Variants in APP observed in about 807,000 individuals in gnomAD.
APP encodes the protein amyloid beta precursor protein, also known as amyloid-beta precursor protein.
APP carries 31 observed loss-of-function variants against 101.4 expected under a neutral mutation model. The ratio of observed to expected loss-of-function variants is 0.31; its 90% CI spans 0.23 to 0.41. The LOEUF (loss-of-function observed/expected upper bound fraction) is 0.41, where lower values mean the gene tolerates loss of function less well. APP is among the 10% of genes least tolerant of loss of function. The pLI is 1.00. For missense variants in APP, 839 were observed against 1,003.7 expected (o/e 0.84, Z 2.22); for synonymous variants, 366 against 364.4 (o/e 1.00, Z -0.05).
At chr21:25,895,124 A>T (rs1033927269) in intron 16 of APP, among the ~76,000 whole-genome samples, 9 of 149,268 alleles carry the variant, frequency 6.0e-5, no homozygotes, top group Admixed American at 2.7e-4. Flanking sequence ...TTTTTTTTTT[A>T]GACATAATGC....
intron 3 of APP, among the ~76,000 whole-genome samples, chr21:26,077,170 T>C (rs1052600625): frequency 6.6e-6 from 1 of 152,172 alleles, no homozygotes; most frequent in African/African-American, 2.4e-5. Flanking sequence ...TAGGCCTCCT[T>C]GATCGATTTC....
At chr21:25,928,371 A>AAAC (rs978107528) in intron 13 of APP, among the ~76,000 whole-genome samples, 34 of 151,726 alleles carry the variant, frequency 2.2e-4, no homozygotes, top group African/African-American at 6.1e-4. Flanking sequence ...ACAAACAAAC[A>AAAC]AAAAAACCAA....
chr21:25,998,703 AGTTATT>A (rs1243420437), intron 7 of APP, among the ~76,000 whole-genome samples: 24 of 152,190 alleles, frequency 1.6e-4, no homozygotes, highest in African/African-American at 5.8e-4. Context: ...AGTAATACAC[AGTTATT>A]GAGTTTCATT....
intron 13 of APP, among the ~76,000 whole-genome samples, chr21:25,938,546 A>C (rs2055746677): frequency 6.6e-6 from 1 of 152,158 alleles, no homozygotes; most frequent in Admixed American, 6.5e-5. Flanking sequence ...AAACCTCTGA[A>C]TGTTTAAAGG....
At chr21:25,996,757 G>A (rs1011997831) in intron 8 of APP, among the ~76,000 whole-genome samples, 3 of 152,344 alleles carry the variant, frequency 2.0e-5, no homozygotes, top group Middle Eastern at 3.4e-3. Flanking sequence ...TGCGGGATGC[G>A]CCAGCCCACT....
intron 6 of APP, among the ~76,000 whole-genome samples, chr21:26,019,686 AT>A (rs11295672): frequency 1 from 152,332 of 152,334 alleles, 76,165 homozygotes; most frequent in Middle Eastern, 1. Flanking sequence ...AACTGGTTCT[AT>A]TAAACAGCCC....
At chr21:26,140,251 A>C in intron 1 of APP, 2 of 1,536,032 alleles carry the variant, frequency 1.3e-6, no homozygotes, top group Non-Finnish European at 1.7e-6. Context: ...CAACTGTGGA[A>C]TACTCCCTGA....
intron 13 of APP, among the ~76,000 whole-genome samples, chr21:25,940,692 A>C (rs942143196): frequency 1.3e-5 from 2 of 152,178 alleles, no homozygotes; most frequent in African/African-American, 2.4e-5. Flanking sequence ...CAATTTGTAT[A>C]ATGTGAATTT....
chr21:26,100,244 CA>C (rs1397167606), intron 2 of APP, among the ~76,000 whole-genome samples: 6 of 152,018 alleles, frequency 3.9e-5, no homozygotes, highest in South Asian at 2.1e-4. Flanking sequence ...AATCTACGGT[CA>C]GTAAAGCAAT....
chr21:25,888,772 T>TA (rs11374741), intron 17 of APP, among the ~76,000 whole-genome samples: 64,879 of 151,910 alleles, frequency 0.43, 13,869 homozygotes, highest in Middle Eastern at 0.51. Flanking sequence ...GTAAACTGAC[T>TA]AAAAAAAGAG....
intron 13 of APP, among the ~76,000 whole-genome samples, chr21:25,930,342 G>A (rs968271983): frequency 2.0e-5 from 3 of 152,222 alleles, no homozygotes; most frequent in South Asian, 2.1e-4. Flanking sequence ...TGCCCCTCCC[G>A]GCAGCCAGCA....
intron 13 of APP, among the ~76,000 whole-genome samples, chr21:25,927,002 CAAAAAAAAAAAAAAA>C (rs36048306): frequency 7.4e-5 from 5 of 67,268 alleles, no homozygotes; most frequent in African/African-American, 1.9e-4. Context: ...GACTCCGTCT[CAAAAAAAAAAAAAAA>C]AAAAAAAAAA....
chr21:26,162,728 T>C (rs1338302811), intron 1 of APP, among the ~76,000 whole-genome samples: 2 of 150,370 alleles, frequency 1.3e-5, no homozygotes, highest in East Asian at 1.9e-4. Context: ...CTTTTCTTTA[T>C]GCAACAGATC....
Position 26,021,990 on chromosome 21 carries a change from C to T in APP, c.715G>A (p.Glu239Lys). 6.2e-7 allele frequency: 1 copy of T among 1,614,096 alleles called. No individual in the cohort carries two copies. The highest frequency in any genetic ancestry group is 8.5e-7 in the Non-Finnish European group (1 of 1,179,994). ...AEEEEVAEVE[E>K]EEADDDEDDE... The stretch of plus-strand genomic sequence containing the variant: ...TCCTCGTCATCATCGGCTTCTTCTT[C>T]TTCCACCTCAGCCACTTCTTCCTCC... Residue 239 changes from glutamate to lysine, a missense_variant, in exon 6 of 18, where the codon GAA becomes AAA. Physicochemically the swap from Glu to Lys is moderately conservative, Grantham distance 56. Coordinates refer to ENST00000346798, the MANE Select transcript of APP (RefSeq NM_000484.4).
At chr21:26,076,258 T>C (rs1007070706) in intron 3 of APP, among the ~76,000 whole-genome samples, 1 of 152,152 alleles carries the variant, frequency 6.6e-6, no homozygotes, top group Non-Finnish European at 1.5e-5. Context: ...ATCCACATCA[T>C]GGGTCTACTT....
rs77649853 is a variant in APP at position 25,938,615 on chromosome 21, A to G, written c.1687+15975T>C. Among the ~76,000 whole-genome samples, 2,395 of 150,472 alleles carry G rather than the reference A, an allele frequency of 0.016. 166 individuals carry two copies. In the East Asian group the frequency reaches 0.2, roughly 12 times the overall value. On this transcript the variant is annotated intron_variant, in intron 13 of 17. Transcript: ENST00000346798. Reference sequence around the variant, plus strand: ...TGTAGGTCTGAGGTAGAGCCCAAGAATCTGTATTTTTAACTAGAATTCCTC... The same window carrying G: ...TGTAGGTCTGAGGTAGAGCCCAAGAGTCTGTATTTTTAACTAGAATTCCTC...
At chr21:26,121,594 G>C (rs943745049) in intron 1 of APP, among the ~76,000 whole-genome samples, 4 of 152,070 alleles carry the variant, frequency 2.6e-5, no homozygotes, top group Non-Finnish European at 5.9e-5. Context: ...CATCATGTTG[G>C]TCAGGCTGAT....
At chr21:26,021,636 C>T (rs1447262983) in intron 6 of APP, among the ~76,000 whole-genome samples, 1 of 152,042 alleles carries the variant, frequency 6.6e-6, no homozygotes, top group Non-Finnish European at 1.5e-5. Context: ...AGGTACAAAA[C>T]AAACTGTATA....
At position 25,881,676 on chromosome 21, in the gene APP, C is replaced by T; in HGVS notation, c.2307G>A (p.Gln769=). ...AGGCTGCTGTGGCGGGGGTCTAGTTCTGCATCTGCTCAAAGAACTTGTAGG... is the reference window on the plus strand; with the variant it reads ...AGGCTGCTGTGGCGGGGGTCTAGTTTTGCATCTGCTCAAAGAACTTGTAGG... ...NPTYKFFEQM[Q]N The change falls in exon 18 of 18, where the codon CAG becomes CAA. Residue 769 remains glutamine, a synonymous_variant. Coordinates refer to ENST00000346798, the MANE Select transcript of APP (RefSeq NM_000484.4). 1 of 1,613,850 alleles carries T rather than the reference C, an allele frequency of 6.2e-7. No homozygotes were observed.
Sources: gnomAD v4.1 joint callset for allele counts (sites outside exome capture counted in the v4.1 genomes callset) on GRCh38, gnomAD v4.1.1 for gene constraint, MANE v1.5 for transcripts, NCBI Gene and HGNC (gene_info 2026-07-23, HGNC 2026-07-21) for gene names.